The following XIST variants were observed in gnomAD, a reference collection of about 807,000 sequenced individuals.
XIST encodes the protein X inactive specific transcript (non-protein coding).
chrX:73,829,894 A>G (rs751252715), intron 4 of XIST, among the ~76,000 whole-genome samples: 8 of 110,193 alleles, frequency 7.3e-5, no homozygotes, highest in African/African-American at 2.3e-4. Context: ...AAAATAATAG[A>G]TATGAGAGGG....
chrX:73,838,903 G>C (rs1922535437), intron 1 of XIST, among the ~76,000 whole-genome samples: 1 of 111,320 alleles, frequency 9.0e-6, no homozygotes, highest in Non-Finnish European at 1.9e-5. Flanking sequence ...GGCAGAGGAA[G>C]GCATTAGCTC....
At chrX:73,833,910 C>A (rs1416745253) in intron 2 of XIST, 1 of 111,458 alleles carries the variant, frequency 9.0e-6, no homozygotes, top group Non-Finnish European at 1.9e-5. Flanking sequence ...GCTTCCAGAT[C>A]CCTGATCAGG....
chrX:73,837,595 T>C, intron 1 of XIST: 1 of 466,069 alleles, frequency 2.1e-6, no homozygotes, highest in South Asian at 3.2e-5. Context: ...ATTGGTTTGT[T>C]GTGACAAATG....
chrX:73,827,539 C>A, exon 6 of XIST: 2 of 540,473 alleles, frequency 3.7e-6, no homozygotes, highest in Non-Finnish European at 6.7e-6. Flanking sequence ...AAAGGAAATG[C>A]AGAAATGAGA....
chrX:73,827,418 CA>C, exon 6 of XIST: 1 of 551,912 alleles, frequency 1.8e-6, no homozygotes, highest in Non-Finnish European at 3.3e-6. Context: ...AGGGAAGAAG[CA>C]GAGAACAAAT....
chrX:73,820,912 C>A, exon 6 of XIST: 1 of 558,993 alleles, frequency 1.8e-6, no homozygotes, highest in South Asian at 2.2e-5. Flanking sequence ...CCACTTAATT[C>A]CTTGTGTCTG....
intron 3 of XIST, among the ~76,000 whole-genome samples, chrX:73,832,804 A>T (rs1922411524): frequency 9.0e-6 from 1 of 111,508 alleles, no homozygotes; most frequent in African/African-American, 3.3e-5. Flanking sequence ...AACAGGCCGA[A>T]CTCATTATGT....
At chrX:73,846,090 G>A (rs1375368951) in exon 1 of XIST, 3 of 558,251 alleles carry the variant, frequency 5.4e-6, no homozygotes, top group Non-Finnish European at 9.7e-6. Flanking sequence ...CTGCCGGAAG[G>A]GAAAGGAAGA....
chrX:73,848,769 T>C (rs752939332), exon 1 of XIST: 2 of 558,483 alleles, frequency 3.6e-6, no homozygotes, highest in Non-Finnish European at 6.5e-6. Context: ...AGAAGGAAAC[T>C]TGGGTAGTCA....
chrX:73,850,986 C>T (rs376808753), exon 1 of XIST: 10 of 557,941 alleles, frequency 1.8e-5, no homozygotes, highest in African/African-American at 1.1e-4. Context: ...CCCTCCACTT[C>T]TTTCTCCTGA....
intron 2 of XIST, among the ~76,000 whole-genome samples, chrX:73,836,106 CT>C (rs1486870810): frequency 3.6e-5 from 4 of 111,070 alleles, no homozygotes; most frequent in Non-Finnish European, 7.5e-5. Context: ...CTTTCCCTTC[CT>C]TTCCCACCTC....
exon 1 of XIST, chrX:73,843,628 G>A (rs1330735764): frequency 3.6e-6 from 2 of 558,473 alleles, no homozygotes; most frequent in Non-Finnish European, 6.5e-6. Flanking sequence ...AAAAGAAGGG[G>A]CACTTAGTGA....
chrX:73,850,159 A>T (rs746454155), exon 1 of XIST: 34 of 555,736 alleles, frequency 6.1e-5, no homozygotes, highest in Admixed American at 2.0e-4. Context: ...ATGAAGTTAA[A>T]TTTTTTACTG....
intron 4 of XIST, chrX:73,831,042 T>C (rs746515660): frequency 1.5e-5 from 8 of 551,215 alleles, no homozygotes; most frequent in Non-Finnish European, 2.6e-5. Context: ...CTACTTATTA[T>C]GCTTTTAGGG....
At chrX:73,850,869 G>A (rs776085583) in exon 1 of XIST, 14 of 537,270 alleles carry the variant, frequency 2.6e-5, no homozygotes, top group Admixed American at 1.4e-4. Flanking sequence ...AGGCAGCACT[G>A]GACAGGAGGG....
exon 1 of XIST, chrX:73,852,366 T>C (rs752576971): frequency 5.5e-6 from 3 of 545,147 alleles, no homozygotes; most frequent in Non-Finnish European, 6.6e-6. Context: ...AAACCAGGTA[T>C]CCGCAGCCCC....
exon 1 of XIST, chrX:73,848,696 G>T (rs1922836982): frequency 3.6e-6 from 2 of 556,872 alleles, no homozygotes; most frequent in South Asian, 4.5e-5. Flanking sequence ...GGGATGGGGT[G>T]AGAATCCATT....
intron 2 of XIST, chrX:73,833,376 T>C (rs1922422674): frequency 1.8e-6 from 1 of 548,194 alleles, no homozygotes; most frequent in Non-Finnish European, 3.3e-6. Flanking sequence ...CAGAATGTCC[T>C]TAAGAAGAAA....
chrX:73,821,906 G>A (rs775884958), exon 6 of XIST: 1 of 555,344 alleles, frequency 1.8e-6, no homozygotes, highest in East Asian at 3.3e-5. Flanking sequence ...ATGATAAAAA[G>A]GAGAACATTT....
Sources: allele counts gnomAD v4.1 joint callset (sites outside exome capture counted in the v4.1 genomes callset), GRCh38; gene constraint gnomAD v4.1.1; transcripts MANE v1.5; gene names NCBI Gene and HGNC (gene_info 2026-07-23, HGNC 2026-07-21).